TNNI3K: variants seen among roughly 807,000 people sequenced by gnomAD.
The protein encoded by TNNI3K is serine/threonine-protein kinase TNNI3K.
A neutral mutation model predicts 114.5 loss-of-function variants in TNNI3K; 140 were observed. That is an observed-to-expected ratio of 1.22 (90% CI 1.07 to 1.41). TNNI3K has a LOEUF of 1.41. TNNI3K is among the 40% of genes most tolerant of loss of function. TNNI3K has a pLI of 0.00. For missense variants in TNNI3K, 1,125 were observed against 1,007.6 expected, an observed-to-expected ratio of 1.12 and a Z score of -1.58; for synonymous variants, 347 against 347.5, an observed-to-expected ratio of 1.00 and a Z score of 0.02.
chr1:74,353,317 G>A lies in TNNI3K; in HGVS notation c.984G>A (p.Gln328=). The A allele has an allele frequency of 6.2e-7, 1 of 1,613,742 alleles. No individual in the cohort carries two copies. The highest frequency in any genetic ancestry group is 8.5e-7 in the Non-Finnish European group (1 of 1,179,928). Residue 328 remains glutamine (Q), a synonymous_variant, in exon 10 of 25, where the codon CAG becomes CAA. Transcript: ENST00000326637. ...ACCTAGTCAAATTTCTTCTTGATCA[G>A]AATGTCATAAACATCAACCACCAAG... ...SIDLVKFLLD[Q]NVININHQGR... is the part of the protein sequence containing the mutation.
intron 2 of TNNI3K, among the ~76,000 whole-genome samples, chr1:74,241,122 A>G (rs1472597797): frequency 6.6e-6 from 1 of 152,164 alleles, no homozygotes; most frequent in East Asian, 1.9e-4. Context: ...TTATGGCTGC[A>G]TAGTATTCCA....
chr1:74,490,271 G>A (rs1305090900), intron 22 of TNNI3K, among the ~76,000 whole-genome samples: 1 of 152,150 alleles, frequency 6.6e-6, no homozygotes, highest in Non-Finnish European at 1.5e-5. Context: ...AAAGTGGGGA[G>A]AAGTAGTCAT....
At chr1:74,363,432 T>A (rs1399299716) in intron 11 of TNNI3K, among the ~76,000 whole-genome samples, 1 of 152,012 alleles carries the variant, frequency 6.6e-6, no homozygotes, top group East Asian at 1.9e-4. Context: ...CTCATTAGGC[T>A]CTTGATGAAA....
At chr1:74,424,896 A>ATCCACCT (rs989238890) in intron 17 of TNNI3K, among the ~76,000 whole-genome samples, 1 of 152,110 alleles carries the variant, frequency 6.6e-6, no homozygotes, top group African/African-American at 2.4e-5. Context: ...AATAGTTTTA[A>ATCCACCT]TCCACCTGGA....
chr1:74,464,343 T>C, intron 21 of TNNI3K, among the ~76,000 whole-genome samples: 1 of 152,244 alleles, frequency 6.6e-6, no homozygotes, highest in East Asian at 1.9e-4. Context: ...TGTGTTTTGA[T>C]ATCAATCGAT....
rs924901205 is a variant in TNNI3K at position 74,240,742 on chromosome 1, G to A, written c.149+4532G>A. On this transcript the variant is annotated intron_variant, in intron 2 of 24. Transcript: ENST00000326637. ...TCTATAATATGAAATTTAAAACCAT[G>A]AGAATACTCCAGAAAAGTTATAATT... The A allele has an allele frequency of 2.6e-5, 4 of 151,494 alleles. No homozygotes were observed. In the East Asian group the frequency reaches 7.8e-4, roughly 29 times the overall value. 9.4% of individuals were successfully genotyped at this position (151,494 alleles called of 1,614,324 possible). A position where few individuals can be genotyped will look rare whatever the true frequency, so the allele number is the denominator to read the frequency against.
intron 13 of TNNI3K, 119 bp downstream of exon 13, chr1:74,368,083 A>G: frequency 1.0e-6 from 1 of 971,952 alleles, no homozygotes; most frequent in South Asian, 2.1e-5. Context: ...AGCACAACAA[A>G]TATTATTGAC....
chr1:74,501,518 G>T (rs986704180), intron 23 of TNNI3K, among the ~76,000 whole-genome samples: 62 of 137,686 alleles, frequency 4.5e-4, no homozygotes, highest in African/African-American at 1.6e-3. Context: ...TTTGAGACTG[G>T]CTCTGTCACC....
intron 23 of TNNI3K, among the ~76,000 whole-genome samples, chr1:74,526,808 T>C (rs1646509284): frequency 6.6e-6 from 1 of 152,120 alleles, no homozygotes; most frequent in Non-Finnish European, 1.5e-5. Flanking sequence ...ATAGGACTTA[T>C]CTGACACTCT....
intron 11 of TNNI3K, among the ~76,000 whole-genome samples, chr1:74,354,779 A>G (rs934331923): frequency 1.3e-5 from 2 of 152,196 alleles, no homozygotes; most frequent in African/African-American, 4.8e-5. Flanking sequence ...ATAAGATTGT[A>G]AAGATTAAAT....
intron 23 of TNNI3K, among the ~76,000 whole-genome samples, chr1:74,502,037 T>G (rs1669659755): frequency 6.6e-6 from 1 of 152,192 alleles, no homozygotes; most frequent in East Asian, 1.9e-4. Context: ...TACAGGTGTT[T>G]CTTATCTGAC....
At chr1:74,459,405 G>A (rs143154280) in intron 20 of TNNI3K, among the ~76,000 whole-genome samples, 1 of 152,244 alleles carries the variant, frequency 6.6e-6, no homozygotes, top group African/African-American at 2.4e-5. Flanking sequence ...TGTTATGGAA[G>A]TACATAGGAA....
intron 23 of TNNI3K, among the ~76,000 whole-genome samples, chr1:74,518,525 T>G (rs1211867321): frequency 6.6e-6 from 1 of 152,130 alleles, no homozygotes; most frequent in Non-Finnish European, 1.5e-5. Context: ...CTTTTTAGGG[T>G]GGCTCTATGG....
intron 5 of TNNI3K, among the ~76,000 whole-genome samples, chr1:74,280,149 G>A (rs566189473): frequency 2.0e-5 from 3 of 152,292 alleles, no homozygotes; most frequent in Admixed American, 6.5e-5. Context: ...TTGGGAGGCC[G>A]AGATGGGCTG....
intron 17 of TNNI3K, among the ~76,000 whole-genome samples, chr1:74,412,356 T>C (rs1334549455): frequency 6.6e-6 from 1 of 152,144 alleles, no homozygotes; most frequent in African/African-American, 2.4e-5. Flanking sequence ...GACAAGTGAC[T>C]TAATTTAGGC....
At chr1:74,340,743 A>C (rs1214461082) in intron 7 of TNNI3K, among the ~76,000 whole-genome samples, 1 of 152,172 alleles carries the variant, frequency 6.6e-6, no homozygotes, top group African/African-American at 2.4e-5. Flanking sequence ...AAGAATTCTT[A>C]TGTCACGCTC....
At chr1:74,310,232 A>G (rs1382428935) in intron 5 of TNNI3K, among the ~76,000 whole-genome samples, 1 of 152,116 alleles carries the variant, frequency 6.6e-6, no homozygotes, top group Non-Finnish European at 1.5e-5. Flanking sequence ...AAATAAATAC[A>G]TAAATAAAAC....
chr1:74,299,923 A>G lies in TNNI3K; in HGVS notation c.444+28215A>G, dbSNP rs45484998. Among the ~76,000 whole-genome samples, 308 of 152,314 alleles carry G rather than the reference A, an allele frequency of 2.0e-3. 1 individual carries two copies. The highest frequency in any genetic ancestry group is 0.01 in the Middle Eastern group (3 of 294). ...TTTATATTTACATATCAACAAATAC[A>G]TACTGTTAAAGATGTACTAAATGGC... On this transcript the variant is annotated intron_variant, in intron 5 of 24. Transcript: ENST00000326637.
intron 17 of TNNI3K, chr1:74,371,585 G>A (rs747950521): frequency 2.6e-5 from 4 of 151,706 alleles, no homozygotes; most frequent in Non-Finnish European, 5.9e-5. Context: ...AATGCATAGA[G>A]ATTAGAAAGT....
Sources: allele counts gnomAD v4.1 joint callset (sites outside exome capture counted in the v4.1 genomes callset), GRCh38; gene constraint gnomAD v4.1.1; transcripts MANE v1.5; gene names NCBI Gene and HGNC (gene_info 2026-07-23, HGNC 2026-07-21).